JMJD1C: variants seen among roughly 807,000 people sequenced by gnomAD.
JMJD1C encodes the protein jumonji domain containing 1C.
In JMJD1C, 31 loss-of-function variants were observed where a neutral mutation model predicts 245.3. The observed-to-expected ratio is 0.13, with a 90% CI of 0.09 to 0.17. The LOEUF is 0.17. Among genes scored for constraint, JMJD1C ranks in the 10% least tolerant of loss-of-function variants. JMJD1C has a pLI of 1.00. For synonymous variants in JMJD1C, 1,057 were observed against 1,017.4 expected, an observed-to-expected ratio of 1.04 and a Z score of -0.74; for missense variants, 2,691 against 3,000.2, an observed-to-expected ratio of 0.90 and a Z score of 2.41.
At chr10:63,442,088 T>C (rs1951422322) in intron 1 of JMJD1C, among the ~76,000 whole-genome samples, 1 of 152,144 alleles carries the variant, frequency 6.6e-6, no homozygotes, top group South Asian at 2.1e-4. Context: ...GCAAGAAAAT[T>C]AGACCTGGTA....
chr10:63,403,817 T>C (rs1340361914), intron 1 of JMJD1C, among the ~76,000 whole-genome samples: 1 of 152,176 alleles, frequency 6.6e-6, no homozygotes, highest in Middle Eastern at 3.2e-3. Context: ...ACGCCTGTAA[T>C]TCCAGCACTT....
intron 1 of JMJD1C, among the ~76,000 whole-genome samples, chr10:63,475,793 G>A (rs559929237): frequency 6.6e-6 from 1 of 152,322 alleles, no homozygotes; most frequent in South Asian, 2.1e-4. Flanking sequence ...AGAACAGAGA[G>A]AGACCCTCTC....
At chr10:63,334,034 T>G (rs371161837) in intron 2 of JMJD1C, among the ~76,000 whole-genome samples, 68 of 152,262 alleles carry the variant, frequency 4.5e-4, no homozygotes, top group African/African-American at 1.5e-3. Flanking sequence ...CAGAAGTGAT[T>G]CACTGCACTC....
intron 2 of JMJD1C, among the ~76,000 whole-genome samples, chr10:63,344,023 T>TAG (rs2134244031): frequency 6.6e-6 from 1 of 152,170 alleles, no homozygotes; most frequent in East Asian, 1.9e-4. Context: ...GGGCAGCAGA[T>TAG]AGAGACCCTG....
At chr10:63,210,817 T>C (rs973351475) in intron 8 of JMJD1C, among the ~76,000 whole-genome samples, 2 of 152,214 alleles carry the variant, frequency 1.3e-5, no homozygotes, top group Non-Finnish European at 2.9e-5. Context: ...GAGGATAATA[T>C]AGTGATTAGT....
intron 3 of JMJD1C, among the ~76,000 whole-genome samples, chr10:63,236,365 G>C (rs1330391083): frequency 6.6e-6 from 1 of 152,150 alleles, no homozygotes; most frequent in East Asian, 1.9e-4. Flanking sequence ...AAAAAAATCA[G>C]ATAAATTAAG....
chr10:63,284,905 ACATT>A (rs1589384584), intron 2 of JMJD1C, among the ~76,000 whole-genome samples: 2 of 81,214 alleles, frequency 2.5e-5, no homozygotes, highest in East Asian at 3.9e-4. Flanking sequence ...ACACACACAC[ACATT>A]CTCTCTACTC....
intron 1 of JMJD1C, among the ~76,000 whole-genome samples, chr10:63,486,956 G>A (rs1954019625): frequency 6.6e-6 from 1 of 152,180 alleles, no homozygotes; most frequent in Non-Finnish European, 1.5e-5. Context: ...AGGCTTAAAA[G>A]CTAACTTGCC....
intron 1 of JMJD1C, among the ~76,000 whole-genome samples, chr10:63,395,724 G>A (rs553553884): frequency 3.9e-5 from 6 of 152,096 alleles, no homozygotes; most frequent in Admixed American, 3.3e-4. Flanking sequence ...AAATGAAGTG[G>A]GACAAACTGT....
At chr10:63,337,029 G>T (rs1419125133) in intron 2 of JMJD1C, among the ~76,000 whole-genome samples, 1 of 151,906 alleles carries the variant, frequency 6.6e-6, no homozygotes, top group East Asian at 1.9e-4. Context: ...TTAGTAGAGA[G>T]GGGGTTTCAC....
intron 1 of JMJD1C, among the ~76,000 whole-genome samples, chr10:63,430,278 G>A (rs1262813172): frequency 1.3e-5 from 2 of 152,206 alleles, no homozygotes; most frequent in Non-Finnish European, 2.9e-5. Context: ...GTGACATTGA[G>A]TTGGGCAATG....
At chr10:63,399,047 A>T (rs547551925) in intron 1 of JMJD1C, among the ~76,000 whole-genome samples, 2 of 152,338 alleles carry the variant, frequency 1.3e-5, no homozygotes, top group East Asian at 3.9e-4. Context: ...ATGAGTTTTG[A>T]AATCGGTTGG....
chr10:63,286,257 T>A (rs1857969023), intron 2 of JMJD1C, among the ~76,000 whole-genome samples: 1 of 152,186 alleles, frequency 6.6e-6, no homozygotes, highest in Admixed American at 6.5e-5. Context: ...ATTTTCAAGA[T>A]CACCTGGAGA....
intron 1 of JMJD1C, among the ~76,000 whole-genome samples, chr10:63,402,133 C>CAAAA (rs35050584): frequency 6.6e-4 from 55 of 83,472 alleles, no homozygotes; most frequent in East Asian, 3.8e-3. Context: ...AACTCCGTCT[C>CAAAA]AAAAAAAAAG....
chr10:63,192,292 A>T (rs1343696888), intron 16 of JMJD1C, among the ~76,000 whole-genome samples: 1 of 149,684 alleles, frequency 6.7e-6, no homozygotes. Context: ...AAAATTGGCC[A>T]GGCATGGTGG....
rs764525836 is a variant in JMJD1C, at chr10:63,217,251, G to T, written c.634C>A (p.His212Asn). The change falls in exon 5 of 26, where the codon CAT becomes AAT. Residue 212 changes from histidine to asparagine, a missense_variant. Physicochemically the swap from His to Asn is moderately conservative, Grantham distance 68. Around this residue, in one of 9 missense-constraint regions of JMJD1C, gnomAD observed 172 missense variants for 240.8 expected, o/e 0.71. Coordinates refer to ENST00000399262, the MANE Select transcript of JMJD1C (RefSeq NM_032776.3). ...ATQWFTGIIT[H>N]HDLFTRTMIV... ...ATGGTGCGGGTGAAGAGATCATGAT[G>T]AGTAATTATGCCAGTAAACCACTGG... is the stretch of plus-strand genomic sequence containing the variant. 2 of 1,611,672 alleles carry T rather than the reference G, an allele frequency of 1.2e-6. No homozygotes were observed. Among genetic ancestry groups the T allele is most frequent in the Non-Finnish European group, 1.7e-6 (2 of 1,178,310 alleles).
intron 1 of JMJD1C, among the ~76,000 whole-genome samples, chr10:63,490,537 T>G (rs1383390877): frequency 6.6e-6 from 1 of 151,990 alleles, no homozygotes; most frequent in African/African-American, 2.4e-5. Context: ...TGCCTCAGCC[T>G]GACAAGTAGC....
At chr10:63,247,529 C>G (rs1032601077) in intron 3 of JMJD1C, among the ~76,000 whole-genome samples, 2 of 151,722 alleles carry the variant, frequency 1.3e-5, no homozygotes, top group African/African-American at 4.8e-5. Context: ...TCACTTGAGC[C>G]CAGGAGTTCA....
At position 63,207,980 on chromosome 10, in the gene JMJD1C, G is replaced by A; in HGVS notation, c.3689C>T (p.Pro1230Leu). The A allele has an allele frequency of 6.2e-7, 1 of 1,614,162 alleles. No individual in the cohort carries two copies. Among genetic ancestry groups the A allele is most frequent in the Non-Finnish European group, 8.5e-7 (1 of 1,180,012 alleles). Residue 1230 changes from proline (P) to leucine (L), a missense_variant, in exon 10 of 26, where the codon CCA (proline) becomes CTA (leucine). Pro to Leu is a moderately conservative substitution (Grantham distance 98, BLOSUM62 -3). Coordinates refer to ENST00000399262, the MANE Select transcript of JMJD1C (RefSeq NM_032776.3). Reference protein sequence around the residue: ...KEGSYSSLSPPTLTPVMPVNA... With the variant: ...KEGSYSSLSPLTLTPVMPVNA... ...TACTGGCATCACCGGAGTTAAAGTT[G>A]GAGGGGAAAGACTACTATAGCTGCC... is the stretch of plus-strand genomic sequence containing the variant.
Sources: gnomAD v4.1 joint callset for allele counts (sites outside exome capture counted in the v4.1 genomes callset) on GRCh38, gnomAD v4.1.1 for gene constraint, gnomAD v4.1.1 regional missense constraint, MANE v1.5 for transcripts, NCBI Gene and HGNC (gene_info 2026-07-23, HGNC 2026-07-21) for gene names.